KALRN: variants seen among roughly 807,000 people sequenced by gnomAD.
KALRN encodes kalirin RhoGEF kinase, also known as kalirin.
A neutral mutation model predicts 353.7 loss-of-function variants in KALRN; 70 were observed. The observed-to-expected ratio is 0.20, with a 90% CI of 0.16 to 0.24. The LOEUF is 0.24. Among genes scored for constraint, KALRN ranks in the 10% least tolerant of loss-of-function variants. The pLI, the probability that KALRN is intolerant of heterozygous loss-of-function variation, is 1.00. For missense variants in KALRN, 2,791 were observed against 3,756.7 expected (o/e 0.74, Z 6.72); for synonymous variants, 1,391 against 1,434.8 (o/e 0.97, Z 0.69).
At chr3:124,123,843 T>C (rs541793888) in intron 1 of KALRN, among the ~76,000 whole-genome samples, 25 of 152,354 alleles carry the variant, frequency 1.6e-4, no homozygotes, top group African/African-American at 6.0e-4. Context: ...CATGGCTTAC[T>C]GAATATTTTA....
chr3:124,672,031 C>A, intron 48 of KALRN, 133 bp downstream of exon 48: 1 of 719,802 alleles, frequency 1.4e-6, no homozygotes, highest in East Asian at 2.5e-5. Context: ...TCACTGCAAC[C>A]TCCGCCTCCC....
At chr3:124,242,809 G>A (rs563709038) in intron 3 of KALRN, among the ~76,000 whole-genome samples, 2 of 152,202 alleles carry the variant, frequency 1.3e-5, no homozygotes, top group Admixed American at 6.5e-5. Context: ...GGTGGTGTTG[G>A]GGTCCTTCAC....
chr3:124,524,492 A>G (rs1054611945), intron 33 of KALRN, among the ~76,000 whole-genome samples: 1 of 152,226 alleles, frequency 6.6e-6, no homozygotes, highest in Admixed American at 6.5e-5. Context: ...TTGATGAAAG[A>G]TCCAGTGTGA....
Position 124,434,429 on chromosome 3 carries a change from G to C in KALRN, c.2952G>C (p.Glu984Asp). The C allele has an allele frequency of 6.2e-7, 1 of 1,614,234 alleles. No homozygotes were observed. Among genetic ancestry groups the C allele is most frequent in the South Asian group, 1.1e-5 (1 of 91,088 alleles). Reference protein sequence around the residue: ...YDADAIRECAEKVALHWQQLM... With the variant: ...YDADAIRECADKVALHWQQLM... The stretch of plus-strand genomic sequence containing the variant: ...CCGATGCCATCCGGGAATGTGCTGA[G>C]AAGGTGGCCCTCCACTGGCAGCAGC... Residue 984 changes from glutamate to aspartate, a missense_variant, in exon 17 of 60, where the codon GAG (glutamate) becomes GAC (aspartate). This residue lies in a region of KALRN where 452 missense variants were observed against 575.8 expected (regional missense o/e 0.78). Coordinates refer to ENST00000682506, the MANE Select transcript of KALRN (RefSeq NM_001388419.1).
At chr3:124,464,907 G>A (rs1392314889) in intron 25 of KALRN, among the ~76,000 whole-genome samples, 1 of 149,244 alleles carries the variant, frequency 6.7e-6, no homozygotes, top group Non-Finnish European at 1.5e-5. Flanking sequence ...ACTCAGTATT[G>A]GTGCAAACCA....
chr3:124,033,419 G>C lies in KALRN; in HGVS notation c.-322G>C, dbSNP rs968991157. ...AGGAGAGCCAGCTGCCGCTGCTGGG[G>C]GACAGCGGGCGCCCAGGCAGCCCGC... On this transcript the variant is annotated 5_prime_UTR_variant, in exon 1 of 60. Coordinates refer to ENST00000682506, the MANE Select transcript of KALRN (RefSeq NM_001388419.1). The surrounding 1 kb of genome is among the most constrained non-coding windows in gnomAD (Gnocchi z 6.2). 6.6e-6 allele frequency among the ~76,000 whole-genome samples: 1 copy of C among 151,788 alleles called. No individual in the cohort carries two copies. Among genetic ancestry groups the C allele is most frequent in the Non-Finnish European group, 1.5e-5 (1 of 67,870 alleles).
intron 34 of KALRN, among the ~76,000 whole-genome samples, chr3:124,600,863 C>G (rs2076728115): frequency 6.6e-6 from 1 of 152,196 alleles, no homozygotes; most frequent in African/African-American, 2.4e-5. Flanking sequence ...AACCAGATTA[C>G]AAAGCTTCTG....
At chr3:124,306,965 T>C (rs1010660212) in intron 6 of KALRN, among the ~76,000 whole-genome samples, 1 of 152,148 alleles carries the variant, frequency 6.6e-6, no homozygotes, top group Non-Finnish European at 1.5e-5. Context: ...AGAAAATTTG[T>C]TTCTAGCAGA....
intron 10 of KALRN, among the ~76,000 whole-genome samples, chr3:124,364,131 A>G (rs1030101323): frequency 1.3e-5 from 2 of 152,174 alleles, no homozygotes; most frequent in Admixed American, 1.3e-4. Flanking sequence ...TTCTTGTTTC[A>G]TTATGTCACC....
chr3:124,120,801 TAGC>T (rs1305621430), intron 1 of KALRN, among the ~76,000 whole-genome samples: 1 of 148,994 alleles, frequency 6.7e-6, no homozygotes, highest in African/African-American at 2.5e-5. Flanking sequence ...CACCTTCTCT[TAGC>T]AGAATATAAA....
intron 1 of KALRN, among the ~76,000 whole-genome samples, chr3:124,206,015 A>AT (rs1265348773): frequency 6.6e-6 from 1 of 152,184 alleles, no homozygotes; most frequent in East Asian, 1.9e-4. Context: ...CTGACATAAG[A>AT]TTTTGAGGTA....
At chr3:124,268,411 T>G (rs2073813194) in intron 4 of KALRN, among the ~76,000 whole-genome samples, 1 of 152,212 alleles carries the variant, frequency 6.6e-6, no homozygotes, top group Admixed American at 6.5e-5. Flanking sequence ...TTCTTCCAGC[T>G]TCTGCTTCTA....
chr3:124,217,004 C>T (rs918013426), intron 1 of KALRN, among the ~76,000 whole-genome samples: 1 of 152,166 alleles, frequency 6.6e-6, no homozygotes, highest in African/African-American at 2.4e-5. Context: ...TAATCCATTA[C>T]CTCTTCTCTT....
At chr3:124,707,393 G>A (rs2150741485) in intron 57 of KALRN, among the ~76,000 whole-genome samples, 1 of 131,400 alleles carries the variant, frequency 7.6e-6, no homozygotes, top group East Asian at 2.5e-4. Flanking sequence ...GAGAATAGCA[G>A]TTTCCTTCCT....
intron 1 of KALRN, among the ~76,000 whole-genome samples, chr3:124,049,071 C>A (rs191767476): frequency 1.3e-5 from 2 of 152,068 alleles, no homozygotes; most frequent in Non-Finnish European, 2.9e-5. Context: ...TTTTGTGTAA[C>A]GTTTAAGGAC....
At chr3:124,379,950 T>C (rs1004099373) in intron 10 of KALRN, among the ~76,000 whole-genome samples, 9 of 152,222 alleles carry the variant, frequency 5.9e-5, no homozygotes, top group African/African-American at 2.2e-4. Flanking sequence ...TTTCATCTCA[T>C]TACGTATTGG....
At position 124,365,334 on chromosome 3, in the gene KALRN, A is replaced by G. The variant is rs566231023; in HGVS notation, c.1770+18069A>G. On this transcript the variant is annotated intron_variant, in intron 10 of 59. Coordinates refer to ENST00000682506, the MANE Select transcript of KALRN (RefSeq NM_001388419.1). ...CATGAGCAGAGACACCCTGAGAGCC[A>G]CTGCAGAAGCTAAGTTTGTCTATTT... is the stretch of plus-strand genomic sequence containing the variant. 5.6e-4 allele frequency among the ~76,000 whole-genome samples: 85 copies of G among 152,196 alleles called. 4 individuals carry two copies. The highest frequency in any genetic ancestry group is 1.3e-4 in the Non-Finnish European group (9 of 68,032).
intron 11 of KALRN, among the ~76,000 whole-genome samples, chr3:124,387,292 A>G (rs1576496634): frequency 6.6e-6 from 1 of 152,364 alleles, no homozygotes; most frequent in East Asian, 1.9e-4. Context: ...ATAAAGTCAC[A>G]TTCATGTGAA....
At position 124,699,755 on chromosome 3, in the gene KALRN, A is replaced by G. The variant is rs1351335936; in HGVS notation, c.7832-114A>G. On this transcript the variant is annotated intron_variant, in intron 55 of 59. Transcript: ENST00000682506. Reference sequence around the variant, plus strand: ...GCTTTCAGAGCCTGACACGGTAACCACAAGCATCCCTTGAATTGAATGTGT... The same window carrying G: ...GCTTTCAGAGCCTGACACGGTAACCGCAAGCATCCCTTGAATTGAATGTGT... 18 of 1,001,052 alleles carry G rather than the reference A, an allele frequency of 1.8e-5. No individual in the cohort carries two copies. The East Asian group carries it at 3.9e-4, about 22-fold the overall frequency. The allele number at this position is 1,001,052 out of a possible 1,614,324, so 62.0% of individuals were successfully genotyped here. A position where few individuals can be genotyped will look rare whatever the true frequency, so the allele number is the denominator to read the frequency against.
Sources: gnomAD v4.1 joint callset for allele counts (sites outside exome capture counted in the v4.1 genomes callset) on GRCh38, gnomAD v4.1.1 for gene constraint, gnomAD v4.1.1 regional missense constraint, Gnocchi (gnomAD v3.1) non-coding constraint, MANE v1.5 for transcripts, NCBI Gene and HGNC (gene_info 2026-07-23, HGNC 2026-07-21) for gene names.